MAPK10: variants seen among roughly 807,000 people sequenced by gnomAD.
MAPK10 encodes JNK3 alpha protein kinase.
In MAPK10, 25 loss-of-function variants were observed where a neutral mutation model predicts 59.3. That is an observed-to-expected ratio of 0.42 (90% CI 0.31 to 0.59). The LOEUF (loss-of-function observed/expected upper bound fraction) is 0.59. Among genes scored for constraint, MAPK10 ranks in the 20% least tolerant of loss-of-function variants. The pLI, the probability that MAPK10 is intolerant of heterozygous loss-of-function variation, is 0.15. For synonymous variants in MAPK10, 190 were observed against 200.5 expected, an observed-to-expected ratio of 0.95 and a Z score of 0.44; for missense variants, 351 against 568.9, an observed-to-expected ratio of 0.62 and a Z score of 3.90.
At chr4:86,481,240 TG>T (rs1216998203) in intron 1 of MAPK10, among the ~76,000 whole-genome samples, 2 of 152,086 alleles carry the variant, frequency 1.3e-5, no homozygotes, top group Non-Finnish European at 2.9e-5. Flanking sequence ...TTCTATGACT[TG>T]CTTGGGGGAG....
At chr4:86,196,638 C>T (rs1002952801) in intron 2 of MAPK10, among the ~76,000 whole-genome samples, 1 of 152,110 alleles carries the variant, frequency 6.6e-6, no homozygotes, top group Non-Finnish European at 1.5e-5. Context: ...TTTGCCCATG[C>T]CTATGTCCTG....
At chr4:86,142,687 T>G (rs1269997823) in intron 4 of MAPK10, among the ~76,000 whole-genome samples, 1 of 152,180 alleles carries the variant, frequency 6.6e-6, no homozygotes, top group Non-Finnish European at 1.5e-5. Flanking sequence ...CACACTGATT[T>G]GAAGCAAAGC....
Position 86,020,498 on chromosome 4 carries a change from G to A in MAPK10, c.1253-3128C>T, listed in dbSNP as rs143951009. 1.2e-3 allele frequency: 195 copies of A among 163,024 alleles called. 1 individual carries two copies. The highest frequency in any genetic ancestry group is 4.5e-3 in the African/African-American group (189 of 41,738). The allele number at this position is 163,024 out of a possible 1,614,324, so 10.1% of individuals were successfully genotyped here. A position where few individuals can be genotyped will look rare whatever the true frequency, so the allele number is the denominator to read the frequency against. On this transcript the variant is annotated intron_variant, in intron 13 of 13. Coordinates refer to ENST00000641462, the MANE Select transcript of MAPK10 (RefSeq NM_138982.4). ...GAGTAATTCTAGCTTTAACACTTGAGGAACTGACAAACTGTGTCCGGAATT... is the reference window on the plus strand; with the variant it reads ...GAGTAATTCTAGCTTTAACACTTGAAGAACTGACAAACTGTGTCCGGAATT...
At chr4:86,163,513 C>G (rs918711970) in intron 3 of MAPK10, among the ~76,000 whole-genome samples, 1 of 152,042 alleles carries the variant, frequency 6.6e-6, no homozygotes, top group Non-Finnish European at 1.5e-5. Flanking sequence ...TAGAACAAGA[C>G]AGCAGATTAT....
intron 9 of MAPK10, among the ~76,000 whole-genome samples, chr4:86,084,109 G>A (rs2051249995): frequency 6.6e-6 from 1 of 152,146 alleles, no homozygotes; most frequent in Non-Finnish European, 1.5e-5. Context: ...GGCCTCAGGT[G>A]AGACTCAGCA....
At chr4:86,589,683 A>C (rs1169275900) in intron 1 of MAPK10, among the ~76,000 whole-genome samples, 16 of 139,494 alleles carry the variant, frequency 1.1e-4, no homozygotes, top group African/African-American at 4.5e-4. Context: ...ACTCCGTCTC[A>C]AAAAAAAAAA....
chr4:86,393,617 T>G (rs1742523189), intron 1 of MAPK10, among the ~76,000 whole-genome samples: 1 of 152,200 alleles, frequency 6.6e-6, no homozygotes, highest in Non-Finnish European at 1.5e-5. Flanking sequence ...AAGTAATATT[T>G]TTAGCTTTTT....
chr4:86,071,735 T>C (rs2048027248), intron 9 of MAPK10, among the ~76,000 whole-genome samples: 1 of 151,300 alleles, frequency 6.6e-6, no homozygotes, highest in African/African-American at 2.4e-5. Flanking sequence ...GGCTCTGTTC[T>C]GTTCCATTGA....
At chr4:86,531,047 G>T (rs78789085) in intron 1 of MAPK10, among the ~76,000 whole-genome samples, 7,121 of 152,146 alleles carry the variant, frequency 0.047, 219 homozygotes, top group African/African-American at 0.059. Flanking sequence ...GTGGGGAGCT[G>T]GATGATCTCC....
At chr4:86,180,277 T>C (rs537510332) in intron 3 of MAPK10, among the ~76,000 whole-genome samples, 14 of 151,800 alleles carry the variant, frequency 9.2e-5, no homozygotes, top group East Asian at 1.9e-4. Context: ...CAAAACCACA[T>C]TGATGTGTTA....
upstream of MAPK10, among the ~76,000 whole-genome samples, chr4:86,362,415 TAA>T (rs564786945): frequency 5.1e-5 from 7 of 136,036 alleles, no homozygotes; most frequent in Non-Finnish European, 8.0e-5. Context: ...GCACTTACCA[TAA>T]AAAAAAAAAA....
chr4:86,167,314 T>C (rs1400115691), intron 3 of MAPK10, among the ~76,000 whole-genome samples: 1 of 152,172 alleles, frequency 6.6e-6, no homozygotes, highest in Non-Finnish European at 1.5e-5. Flanking sequence ...TATCATTCCT[T>C]CTGAAACTAT....
chr4:86,575,367 C>T (rs1208661024), intron 1 of MAPK10, among the ~76,000 whole-genome samples: 2 of 152,040 alleles, frequency 1.3e-5, no homozygotes, highest in African/African-American at 4.8e-5. Context: ...ATTATGGAAT[C>T]GGATGGGAAA....
chr4:86,341,439 T>C (rs543405886), intron 2 of MAPK10, among the ~76,000 whole-genome samples: 3 of 152,170 alleles, frequency 2.0e-5, no homozygotes, highest in African/African-American at 7.2e-5. Context: ...AAAGAATAAA[T>C]ACATGAGTCC....
At chr4:86,362,386 A>T (rs1184811805), upstream of MAPK10, among the ~76,000 whole-genome samples, 1 of 151,774 alleles carries the variant, frequency 6.6e-6, no homozygotes, top group Non-Finnish European at 1.5e-5. Context: ...GTAGGCAAAG[A>T]TTTCTTAGGA....
chr4:86,102,058 G>C (rs1351241571), intron 6 of MAPK10, 26 bp from the exon 7 acceptor site: 2 of 1,609,792 alleles, frequency 1.2e-6, no homozygotes, highest in Non-Finnish European at 1.7e-6. Flanking sequence ...CACAGTGTTA[G>C]TTCCAGATCA....
In MAPK10 at chr4:86,286,472, T is replaced by C. The variant is rs56667161; in HGVS notation, c.-7+68058A>G. Among the ~76,000 whole-genome samples the C allele has an allele frequency of 2.0e-3, 306 of 152,354 alleles. 1 individual carries two copies. Among genetic ancestry groups the C allele is most frequent in the African/African-American group, 7.1e-3 (296 of 41,590 alleles). Reference sequence around the variant, plus strand: ...GTAGCACTTGCTCTGTGCCAGGCACTGTTCTAAGCACTTTATATTATTAAC... The same window carrying C: ...GTAGCACTTGCTCTGTGCCAGGCACCGTTCTAAGCACTTTATATTATTAAC... On this transcript the variant is annotated intron_variant, in intron 2 of 13. Coordinates refer to ENST00000641462, the MANE Select transcript of MAPK10 (RefSeq NM_138982.4).
intron 2 of MAPK10, among the ~76,000 whole-genome samples, chr4:86,248,343 G>A (rs565588945): frequency 5.3e-5 from 8 of 152,216 alleles, no homozygotes; most frequent in South Asian, 2.1e-4. Flanking sequence ...TCACAATCTC[G>A]TGTGAGATAC....
intron 3 of MAPK10, among the ~76,000 whole-genome samples, chr4:86,166,051 G>T (rs529904663): frequency 6.6e-6 from 1 of 152,284 alleles, no homozygotes; most frequent in African/African-American, 2.4e-5. Context: ...TGAAGGTATG[G>T]CTTCTGCCTG....
Sources: allele counts gnomAD v4.1 joint callset (sites outside exome capture counted in the v4.1 genomes callset), GRCh38; gene constraint gnomAD v4.1.1; transcripts MANE v1.5; gene names NCBI Gene and HGNC (gene_info 2026-07-23, HGNC 2026-07-21).